Variants in LANCL2 observed in about 807,000 individuals in gnomAD.
LANCL2 encodes the protein LanC like glutathione S-transferase 2.
LANCL2 carries 33 observed loss-of-function variants against 56.9 expected under a neutral mutation model. That is an observed-to-expected ratio of 0.58 (90% CI 0.44 to 0.78). The LOEUF (loss-of-function observed/expected upper bound fraction) is 0.78, where lower values mean the gene tolerates loss of function less well. Ranked by LOEUF, LANCL2 falls within the 30% of genes least tolerant of loss-of-function variation. The probability of loss-of-function intolerance (pLI) is 0.00; values close to 1 mark genes in which losing one functional copy is unlikely to be tolerated. For missense variants in LANCL2, 562 were observed against 580.2 expected, an observed-to-expected ratio of 0.97 and a Z score of 0.32; for synonymous variants, 233 against 228.2, an observed-to-expected ratio of 1.02 and a Z score of -0.19.
At chr7:55,401,883 C>T in intron 5 of LANCL2, among the ~76,000 whole-genome samples, 1 of 126,070 alleles carries the variant, frequency 7.9e-6, no homozygotes, top group Non-Finnish European at 1.7e-5. Flanking sequence ...AACAGGATCC[C>T]AAGGCAGAAG....
At chr7:55,393,708 T>C (rs959230268) in intron 2 of LANCL2, among the ~76,000 whole-genome samples, 1 of 152,216 alleles carries the variant, frequency 6.6e-6, no homozygotes, top group Non-Finnish European at 1.5e-5. Flanking sequence ...GTGATGCTTA[T>C]TATTTGCCTA....
chr7:55,397,063 G>A (rs1423140286), intron 2 of LANCL2: 1 of 152,138 alleles, frequency 6.6e-6, no homozygotes, highest in Non-Finnish European at 1.5e-5. Context: ...AATGGATAAT[G>A]ATGAAAGACT....
intron 1 of LANCL2, among the ~76,000 whole-genome samples, chr7:55,391,217 A>G (rs895910225): frequency 6.6e-6 from 1 of 151,354 alleles, no homozygotes; most frequent in African/African-American, 2.4e-5. Flanking sequence ...ACGGGGTTTC[A>G]CTGTGTTAGC....
intron 4 of LANCL2, 35 bp downstream of exon 4, chr7:55,400,139 A>G (rs2128993655): frequency 1.4e-6 from 2 of 1,480,062 alleles, no homozygotes; most frequent in Non-Finnish European, 1.8e-6. Context: ...GGGCGTCTCT[A>G]CCATTCAAAC....
chr7:55,396,374 C>T (rs6977524), intron 2 of LANCL2, among the ~76,000 whole-genome samples: 53,603 of 152,130 alleles, frequency 0.35, 9,941 homozygotes, highest in African/African-American at 0.43. Flanking sequence ...GAAATTGCTT[C>T]ACCGGAGCCT....
intron 1 of LANCL2, among the ~76,000 whole-genome samples, chr7:55,367,795 CA>C (rs145460327): frequency 0.051 from 7,712 of 152,218 alleles, 659 homozygotes; most frequent in African/African-American, 0.17. Flanking sequence ...TTAGATGAAG[CA>C]TATAAATTGC....
At chr7:55,384,576 A>G (rs1790104619) in intron 1 of LANCL2, among the ~76,000 whole-genome samples, 1 of 152,132 alleles carries the variant, frequency 6.6e-6, no homozygotes, top group African/African-American at 2.4e-5. Context: ...ATTAAAAAAA[A>G]AGAAATTTAT....
At chr7:55,387,872 A>G (rs1790143675) in intron 1 of LANCL2, among the ~76,000 whole-genome samples, 1 of 152,212 alleles carries the variant, frequency 6.6e-6, no homozygotes, top group African/African-American at 2.4e-5. Flanking sequence ...ATTTCTTATT[A>G]TACCCTTCCT....
At chr7:55,421,819 C>G (rs1790611599) in intron 6 of LANCL2, among the ~76,000 whole-genome samples, 1 of 152,176 alleles carries the variant, frequency 6.6e-6, no homozygotes, top group Non-Finnish European at 1.5e-5. Flanking sequence ...GCTTTGCACT[C>G]TATCTGCCAT....
At chr7:55,366,701 G>A (rs939248288) in intron 1 of LANCL2, among the ~76,000 whole-genome samples, 6 of 152,242 alleles carry the variant, frequency 3.9e-5, no homozygotes, top group African/African-American at 9.6e-5. Flanking sequence ...GGAAGCGGGT[G>A]TAAGGGGAGG....
intron 4 of LANCL2, 119 bp from the exon 5 acceptor site, chr7:55,401,055 T>C (rs1482146817): frequency 4.5e-6 from 3 of 660,358 alleles, no homozygotes; most frequent in Non-Finnish European, 7.2e-6. Flanking sequence ...TAAAGACTTT[T>C]AGATTAAGGC....
intron 6 of LANCL2, among the ~76,000 whole-genome samples, chr7:55,418,925 T>C (rs1019243625): frequency 2.6e-5 from 4 of 152,174 alleles, no homozygotes; most frequent in Non-Finnish European, 5.9e-5. Context: ...TTACATTGAT[T>C]GGTTTTTAAA....
At chr7:55,424,461 A>G (rs139295471) in intron 6 of LANCL2, among the ~76,000 whole-genome samples, 6 of 152,262 alleles carry the variant, frequency 3.9e-5, no homozygotes, top group African/African-American at 7.2e-5. Flanking sequence ...TGATCAGTGT[A>G]TTGGATACTC....
At chr7:55,391,660 C>A in intron 1 of LANCL2, 133 bp from the exon 2 acceptor site, 2 of 533,794 alleles carry the variant, frequency 3.7e-6, no homozygotes, top group Non-Finnish European at 6.8e-6. Flanking sequence ...AGACTCCAAC[C>A]AATGATGCAC....
At chr7:55,387,847 A>AT (rs923833655) in intron 1 of LANCL2, among the ~76,000 whole-genome samples, 4 of 152,064 alleles carry the variant, frequency 2.6e-5, no homozygotes, top group Non-Finnish European at 4.4e-5. Flanking sequence ...ACCATAGAAG[A>AT]TTTTTTTCTG....
At chr7:55,426,490 A>G (rs1790665386) in intron 7 of LANCL2, among the ~76,000 whole-genome samples, 1 of 152,204 alleles carries the variant, frequency 6.6e-6, no homozygotes, top group South Asian at 2.1e-4. Flanking sequence ...TTGAACATCT[A>G]TTACTTTCTG....
chr7:55,416,371 G>C (rs970977113), intron 6 of LANCL2, among the ~76,000 whole-genome samples: 2 of 151,832 alleles, frequency 1.3e-5, no homozygotes, highest in Non-Finnish European at 2.9e-5. Flanking sequence ...CTGTAGCCTC[G>C]ACCTTCAGGG....
At chr7:55,425,703 T>G (rs1347452536) in intron 7 of LANCL2, among the ~76,000 whole-genome samples, 1 of 152,200 alleles carries the variant, frequency 6.6e-6, no homozygotes, top group Non-Finnish European at 1.5e-5. Flanking sequence ...TTTATTGGCT[T>G]TATGAGTTTG....
chr7:55,366,323 C>G, intron 1 of LANCL2, 94 bp downstream of exon 1: 1 of 1,176,888 alleles, frequency 8.5e-7, no homozygotes, highest in Non-Finnish European at 1.1e-6. Flanking sequence ...AGGCGCGCGC[C>G]GGGCTTGGGA....
Sources: gnomAD v4.1 joint callset for allele counts (sites outside exome capture counted in the v4.1 genomes callset) on GRCh38, gnomAD v4.1.1 for gene constraint, MANE v1.5 for transcripts, NCBI Gene and HGNC (gene_info 2026-07-23, HGNC 2026-07-21) for gene names.